Variants in SPATA12 observed in about 807,000 individuals in gnomAD.
SPATA12 encodes spermatogenesis-associated protein 12.
For missense variants in SPATA12, 219 were observed against 226.4 expected (o/e 0.97, Z 0.21); for synonymous variants, 85 against 89.2 (o/e 0.95, Z 0.26).
rs1208873285 is a variant in SPATA12, at chr3:57,073,971, G to C, written c.277G>C (p.Asp93His). ...QRYLQAAISL[D>H]IAVSQINLLG... ...ATATTTACAAGCAGCCATCTCTCTT[G>C]ACATCGCTGTATCCCAAATAAATCT... The change falls in exon 2 of 2, where the codon GAC becomes CAC. Residue 93 changes from aspartate to histidine, a missense_variant. Transcript: ENST00000334325. 6.8e-6 allele frequency: 11 copies of C among 1,614,204 alleles called. No homozygotes were observed. Among genetic ancestry groups the C allele is most frequent in the Admixed American group, 5.0e-5 (3 of 60,028 alleles).
At chr3:57,069,082 C>A (rs1042514952) in intron 1 of SPATA12, among the ~76,000 whole-genome samples, 1 of 152,046 alleles carries the variant, frequency 6.6e-6, no homozygotes, top group Non-Finnish European at 1.5e-5. Flanking sequence ...ACCACCACGT[C>A]TGGATAATTT....
intron 1 of SPATA12, among the ~76,000 whole-genome samples, chr3:57,068,651 C>T (rs898364780): frequency 6.6e-6 from 1 of 152,180 alleles, no homozygotes; most frequent in Non-Finnish European, 1.5e-5. Flanking sequence ...GTCCTCCCCA[C>T]CCCCTTGGGA....
intron 1 of SPATA12, 30 bp downstream of exon 1, chr3:57,060,816 A>T (rs1345860387): frequency 1.8e-5 from 1 of 54,462 alleles, no homozygotes; most frequent in African/African-American, 6.8e-5. Flanking sequence ...CCCCACCCCC[A>T]CCCCGAAACA....
At position 57,074,565 on chromosome 3, in the gene SPATA12, A is replaced by C; in HGVS notation, c.*298A>C. The C allele has an allele frequency of 8.9e-6, 3 of 337,188 alleles. No individual in the cohort carries two copies. Among genetic ancestry groups the C allele is most frequent in the Non-Finnish European group, 1.1e-5 (2 of 175,042 alleles). 20.9% of individuals were successfully genotyped at this position (337,188 alleles called of 1,614,324 possible). ...TGTATTAAATGACATCAATTGATCA[A>C]TCAATCGATCAATCAATGAAAGAGT... On this transcript the variant is annotated 3_prime_UTR_variant, in exon 2 of 2. Coordinates refer to ENST00000334325, the MANE Select transcript of SPATA12 (RefSeq NM_181727.2).
In SPATA12 at chr3:57,075,251, C is replaced by T. The variant is rs1471236775; in HGVS notation, c.*984C>T. 6.0e-6 allele frequency: 1 copy of T among 167,136 alleles called. No individual in the cohort carries two copies. 10.4% of individuals were successfully genotyped at this position (167,136 alleles called of 1,614,324 possible). On this transcript the variant is annotated 3_prime_UTR_variant, in exon 2 of 2. Coordinates refer to ENST00000334325, the MANE Select transcript of SPATA12 (RefSeq NM_181727.2). ...CTTCATCTCCATTACACTGGCCACT[C>T]TCCCTCACATCTTATTACTGATCTA...
intron 1 of SPATA12, among the ~76,000 whole-genome samples, chr3:57,067,929 G>C (rs557658725): frequency 1.3e-5 from 2 of 151,846 alleles, no homozygotes; most frequent in Non-Finnish European, 2.9e-5. Flanking sequence ...GGCAGAGCTT[G>C]CAGTGAGCCA....
chr3:57,070,040 T>C (rs1047425351), intron 1 of SPATA12, among the ~76,000 whole-genome samples: 1 of 152,210 alleles, frequency 6.6e-6, no homozygotes, highest in African/African-American at 2.4e-5. Flanking sequence ...GGGGCTAAGA[T>C]TGTTTTAGCA....
intron 1 of SPATA12, among the ~76,000 whole-genome samples, chr3:57,064,323 C>CT (rs148897316): frequency 0.06 from 9,007 of 149,936 alleles, 884 homozygotes; most frequent in African/African-American, 0.21. Flanking sequence ...TTTTTTCTTT[C>CT]TTTTTTTTTC....
In SPATA12 at chr3:57,074,684, T is replaced by TA; in HGVS notation, c.*419dup. ...GCTAAGTAATTACTTTCCCTCTGGG[T>TA]AAGTGCCACTAGGTGATGAGGTGAG... On this transcript the variant is annotated 3_prime_UTR_variant, in exon 2 of 2. Coordinates refer to ENST00000334325, the MANE Select transcript of SPATA12 (RefSeq NM_181727.2). 5.1e-6 allele frequency: 1 copy of TA among 195,508 alleles called. No individual in the cohort carries two copies. Among genetic ancestry groups the TA allele is most frequent in the Non-Finnish European group, 1.2e-5 (1 of 85,052 alleles). 12.1% of individuals were successfully genotyped at this position (195,508 alleles called of 1,614,324 possible).
chr3:57,072,170 G>A (rs1705944526), intron 1 of SPATA12, among the ~76,000 whole-genome samples: 1 of 152,116 alleles, frequency 6.6e-6, no homozygotes, highest in Non-Finnish European at 1.5e-5. Flanking sequence ...CACTGCTGGT[G>A]GGATTTTAAA....
chr3:57,071,772 T>A (rs1031050537), intron 1 of SPATA12, among the ~76,000 whole-genome samples: 3 of 151,752 alleles, frequency 2.0e-5, no homozygotes, highest in Non-Finnish European at 2.9e-5. Flanking sequence ...AATAGATAAA[T>A]TGAACTTCAC....
At chr3:57,069,509 A>G (rs1215033243) in intron 1 of SPATA12, among the ~76,000 whole-genome samples, 1 of 152,224 alleles carries the variant, frequency 6.6e-6, no homozygotes, top group Non-Finnish European at 1.5e-5. Context: ...CTTTAAGTTT[A>G]GAAAACAAGG....
At chr3:57,064,907 A>G (rs1162174222) in intron 1 of SPATA12, among the ~76,000 whole-genome samples, 1 of 152,242 alleles carries the variant, frequency 6.6e-6, no homozygotes, top group Non-Finnish European at 1.5e-5. Context: ...AAAACTTAAA[A>G]ATAGTCAACA....
intron 1 of SPATA12, among the ~76,000 whole-genome samples, chr3:57,068,823 G>A (rs184926644): frequency 7.3e-5 from 11 of 151,294 alleles, no homozygotes; most frequent in Non-Finnish European, 1.6e-4. Flanking sequence ...GCACACACAC[G>A]CACACACCCC....
Position 57,073,632 on chromosome 3 carries a change from A to T in SPATA12, c.-63A>T. ...CAAGAGTGCTGCATGCTCCTCAGGG[A>T]TTGGCTCCGGCCAAGTGCCCCAGCC... On this transcript the variant is annotated 5_prime_UTR_variant, in exon 2 of 2. Transcript: ENST00000334325. The T allele has an allele frequency of 3.9e-6, 6 of 1,541,130 alleles. No individual in the cohort carries two copies. Among genetic ancestry groups the T allele is most frequent in the Non-Finnish European group, 5.2e-6 (6 of 1,146,586 alleles).
chr3:57,075,063 AACAT>A lies in SPATA12; in HGVS notation c.*797_*800del. Reference sequence around the variant, plus strand: ...TGGCCACACTGGGGAGTTTGACCACAACATTGGGCTCCATATGCATGGAATGAGG... The same window carrying A: ...TGGCCACACTGGGGAGTTTGACCACATGGGCTCCATATGCATGGAATGAGG... On this transcript the variant is annotated 3_prime_UTR_variant, in exon 2 of 2. Transcript: ENST00000334325. The A allele has an allele frequency of 6.0e-6, 1 of 167,202 alleles. No homozygotes were observed. The highest frequency in any genetic ancestry group is 2.1e-4 in the South Asian group (1 of 4,812). 10.4% of individuals were successfully genotyped at this position (167,202 alleles called of 1,614,324 possible). A position where few individuals can be genotyped will look rare whatever the true frequency, so the allele number is the denominator to read the frequency against.
At chr3:57,066,971 T>C (rs1175329887) in intron 1 of SPATA12, among the ~76,000 whole-genome samples, 1 of 152,168 alleles carries the variant, frequency 6.6e-6, no homozygotes, top group East Asian at 1.9e-4. Flanking sequence ...AATAGATAGA[T>C]GAGCGATTGA....
intron 1 of SPATA12, among the ~76,000 whole-genome samples, chr3:57,068,973 G>C (rs980088912): frequency 1.3e-5 from 2 of 150,060 alleles, no homozygotes; most frequent in East Asian, 3.9e-4. Flanking sequence ...CCAAGCTGGA[G>C]TGCTATGACG....
At chr3:57,070,790 C>A (rs1273865397) in intron 1 of SPATA12, among the ~76,000 whole-genome samples, 1 of 151,870 alleles carries the variant, frequency 6.6e-6, no homozygotes, top group Admixed American at 6.6e-5. Flanking sequence ...CAGACCCAGT[C>A]TCTACCAAAA....
Sources: gnomAD v4.1 joint callset for allele counts (sites outside exome capture counted in the v4.1 genomes callset) on GRCh38, gnomAD v4.1.1 for gene constraint, MANE v1.5 for transcripts, NCBI Gene and HGNC (gene_info 2026-07-23, HGNC 2026-07-21) for gene names.